Variants in PCDHGA7 observed in about 807,000 individuals in gnomAD.
PCDHGA7 encodes the protein protocadherin gamma subfamily A, 7, also known as protocadherin gamma-A7.
Under a neutral mutation model 58.3 loss-of-function variants are expected in PCDHGA7, and 44 were observed. That is an observed-to-expected ratio of 0.75 (90% confidence interval 0.59 to 0.97). The LOEUF (loss-of-function observed/expected upper bound fraction) is 0.97, where lower values mean the gene tolerates loss of function less well. Ranked by LOEUF, PCDHGA7 falls within the 50% of genes least tolerant of loss-of-function variation. PCDHGA7 has a pLI of 0.00. For synonymous variants in PCDHGA7, 516 were observed against 504.2 expected (o/e 1.02, Z -0.31); for missense variants, 1,266 against 1,188.7 (o/e 1.06, Z -0.96).
rs1001912556 is a variant in PCDHGA7, at chr5:141,493,404, CTCTGCTGGGATTTTGCT to C, written c.2425-1391_2425-1375del. Among the ~76,000 whole-genome samples, 10 of 152,266 alleles carry C rather than the reference CTCTGCTGGGATTTTGCT, an allele frequency of 6.6e-5. No individual in the cohort carries two copies. Among genetic ancestry groups the C allele is most frequent in the Admixed American group, 6.5e-4 (10 of 15,298 alleles). On this transcript the variant is annotated intron_variant, in intron 1 of 3. Coordinates refer to ENST00000518325, the MANE Select transcript of PCDHGA7 (RefSeq NM_018920.4). The surrounding 1 kb of genome is among the most constrained non-coding windows in gnomAD (Gnocchi z 4.3). ...CTTGAGGACAGGAGAGGGGAGTTGCCTCTGCTGGGATTTTGCTTCTGCTGGGATGGGGCAAGGGTGGG... is the reference window on the plus strand; with the variant it reads ...CTTGAGGACAGGAGAGGGGAGTTGCCTCTGCTGGGATGGGGCAAGGGTGGG...
At chr5:141,408,600 T>C (rs761951478) in intron 1 of PCDHGA7, 7 of 1,613,998 alleles carry the variant, frequency 4.3e-6, no homozygotes, top group Non-Finnish European at 4.2e-6. Flanking sequence ...GCCCCTCAAT[T>C]TGATAAAAAG....
rs1193417991 is a variant in PCDHGA7 at position 141,491,413 on chromosome 5, G to C, written c.2425-3394G>C. 5.0e-6 allele frequency: 8 copies of C among 1,613,946 alleles called. No individual in the cohort carries two copies. Among genetic ancestry groups the C allele is most frequent in the African/African-American group, 1.3e-5 (1 of 74,906 alleles). ...CCTTCAGGGAAACGCAGACGGGGAC[G>C]GGGGTGGAGGGCAGTGCTGCAGGCG... On this transcript the variant is annotated intron_variant, in intron 1 of 3. Transcript: ENST00000518325. The surrounding 1 kb of genome is among the most constrained non-coding windows in gnomAD (Gnocchi z 6.9).
intron 1 of PCDHGA7, among the ~76,000 whole-genome samples, chr5:141,401,627 G>A (rs998564450): frequency 6.6e-6 from 1 of 152,176 alleles, no homozygotes; most frequent in African/African-American, 2.4e-5. Flanking sequence ...TTGTCTTATC[G>A]TTTGGAGCTT....
intron 2 of PCDHGA7, among the ~76,000 whole-genome samples, chr5:141,502,056 C>T (rs1163976282): frequency 1.3e-5 from 2 of 152,116 alleles, no homozygotes; most frequent in Non-Finnish European, 2.9e-5. Flanking sequence ...CTACTTTATT[C>T]CCATTAGCCC....
intron 1 of PCDHGA7, chr5:141,478,636 T>G: frequency 1.3e-6 from 2 of 1,552,744 alleles, no homozygotes; most frequent in South Asian, 2.4e-5. Flanking sequence ...TTTTTAGTGA[T>G]GAAGATGTTT....
At chr5:141,478,519 G>T (rs778194073) in intron 1 of PCDHGA7, 19 of 1,610,728 alleles carry the variant, frequency 1.2e-5, no homozygotes, top group Non-Finnish European at 1.6e-5. Flanking sequence ...GGCAGGTGTT[G>T]GGTGCAGAGA....
At chr5:141,388,112 C>T (rs1399745232) in intron 1 of PCDHGA7, 1 of 1,408,080 alleles carries the variant, frequency 7.1e-7, no homozygotes, top group South Asian at 1.2e-5. Flanking sequence ...CTTACTTCAC[C>T]GTGAGCGCAG....
chr5:141,494,936 G>C, intron 2 of PCDHGA7, 71 bp downstream of exon 2: 1 of 1,612,574 alleles, frequency 6.2e-7, no homozygotes, highest in South Asian at 1.1e-5. Flanking sequence ...GGAGGAGATG[G>C]GGGAGGGCCC....
chr5:141,484,869 G>C (rs2154580238), intron 1 of PCDHGA7: 1 of 292,558 alleles, frequency 3.4e-6, no homozygotes, highest in African/African-American at 2.2e-5. Flanking sequence ...GGGGGAGCGT[G>C]GAGGATAGGG....
chr5:141,486,189 A>T lies in PCDHGA7; in HGVS notation c.2425-8618A>T, dbSNP rs761466492. 6.2e-7 allele frequency: 1 copy of T among 1,614,062 alleles called. No individual in the cohort carries two copies. Among genetic ancestry groups the T allele is most frequent in the Non-Finnish European group, 8.5e-7 (1 of 1,179,994 alleles). ...GAGCAACATTGCAGCCTTCGAGTGG[A>T]TCTGCTGGACGTAAATGACAATGCC... is the stretch of plus-strand genomic sequence containing the variant. On this transcript the variant is annotated intron_variant, in intron 1 of 3. Coordinates refer to ENST00000518325, the MANE Select transcript of PCDHGA7 (RefSeq NM_018920.4). The surrounding 1 kb of genome is among the most constrained non-coding windows in gnomAD (Gnocchi z 5.0).
chr5:141,431,698 ATT>A lies in PCDHGA7; in HGVS notation c.2424+46376_2424+46377del. The A allele has an allele frequency of 6.2e-7, 1 of 1,614,222 alleles. No homozygotes were observed. Among genetic ancestry groups the A allele is most frequent in the South Asian group, 1.1e-5 (1 of 91,090 alleles). ...GGGAGTTGGACCACGAGGAGTCAGG[ATT>A]CTACCAGATGGAAGTGCAAGCAATG... On this transcript the variant is annotated intron_variant, in intron 1 of 3. Transcript: ENST00000518325. The surrounding 1 kb of genome is among the most constrained non-coding windows in gnomAD (Gnocchi z 4.8).
intron 1 of PCDHGA7, chr5:141,441,802 T>C (rs2098274220): frequency 2.6e-6 from 1 of 382,538 alleles, no homozygotes; most frequent in South Asian, 2.1e-5. Flanking sequence ...GCACCGCGGG[T>C]GCTGTACCCC....
At chr5:141,449,588 CA>C (rs768743917) in intron 1 of PCDHGA7, among the ~76,000 whole-genome samples, 1,277 of 57,494 alleles carry the variant, frequency 0.022, 7 homozygotes, top group Middle Eastern at 0.041. Flanking sequence ...GACTCTGTCT[CA>C]AAAAAAAAAA....
At position 141,432,289 on chromosome 5, in the gene PCDHGA7, C is replaced by A. The variant is rs762278053; in HGVS notation, c.2424+46966C>A. 2 of 1,614,148 alleles carry A rather than the reference C, an allele frequency of 1.2e-6. No individual in the cohort carries two copies. Among genetic ancestry groups the A allele is most frequent in the African/African-American group, 2.7e-5 (2 of 74,952 alleles). On this transcript the variant is annotated intron_variant, in intron 1 of 3. Coordinates refer to ENST00000518325, the MANE Select transcript of PCDHGA7 (RefSeq NM_018920.4). The surrounding 1 kb of genome is among the most constrained non-coding windows in gnomAD (Gnocchi z 6.0). ...CGTCCTACGTGTCCATCAACTCCGA[C>A]ACTGGGGTACTGTATGCGCTGAGCT...
In PCDHGA7 at chr5:141,432,997, G is replaced by T. The variant is rs778828769; in HGVS notation, c.2424+47674G>T. 17 of 1,614,082 alleles carry T rather than the reference G, an allele frequency of 1.1e-5. No homozygotes were observed. The highest frequency in any genetic ancestry group is 4.5e-5 in the East Asian group (2 of 44,864). ...CGCACTTTGTGGGCGTGGACGGGGT[G>T]CAGGCTTTCCTGCAGACCTATTCCC... On this transcript the variant is annotated intron_variant, in intron 1 of 3. Transcript: ENST00000518325. The surrounding 1 kb of genome is among the most constrained non-coding windows in gnomAD (Gnocchi z 6.0).
rs757308340 is a variant in PCDHGA7, at chr5:141,487,575, G to A, written c.2425-7232G>A. ...GCACCTATGGCAGGGGAGCCTGTTC[G>A]CCCAAGCTGCCCACCCTCTGATCTT... On this transcript the variant is annotated intron_variant, in intron 1 of 3. Coordinates refer to ENST00000518325, the MANE Select transcript of PCDHGA7 (RefSeq NM_018920.4). This position sits in a 1 kb window ranked among gnomAD's most constrained non-coding sequence, Gnocchi z 5.0. The A allele has an allele frequency of 3.1e-6, 5 of 1,614,018 alleles. No homozygotes were observed. In the African/African-American group the frequency reaches 4.0e-5, roughly 13 times the overall value.
At position 141,384,638 on chromosome 5, in the gene PCDHGA7, G is replaced by A; in HGVS notation, c.1739G>A (p.Arg580His). 1.2e-6 allele frequency: 2 copies of A among 1,614,188 alleles called. No homozygotes were observed. Among genetic ancestry groups the A allele is most frequent in the Non-Finnish European group, 8.5e-7 (1 of 1,180,034 alleles). Reference protein sequence around the residue: ...DGSTGMELAPRSAEPGYLVTK... With the variant: ...DGSTGMELAPHSAEPGYLVTK... ...TCTACTGGCATGGAGCTGGCACCCC[G>A]CTCCGCAGAGCCCGGCTACCTGGTG... The change falls in exon 1 of 4, where the codon CGC becomes CAC. Residue 580 changes from arginine (R) to histidine (H), a missense_variant. By Grantham distance (29) the Arg-to-His change is conservative. Transcript: ENST00000518325.
intron 1 of PCDHGA7, chr5:141,418,060 A>G (rs2096216821): frequency 1.2e-6 from 2 of 1,613,850 alleles, no homozygotes; most frequent in Admixed American, 1.7e-5. Flanking sequence ...GCGAGCTGCG[A>G]GTGAGCGCGG....
intron 1 of PCDHGA7, among the ~76,000 whole-genome samples, chr5:141,473,759 C>G (rs989399714): frequency 3.3e-5 from 5 of 152,158 alleles, no homozygotes; most frequent in African/African-American, 1.2e-4. Flanking sequence ...GGATACTATG[C>G]AAAGGATTTG....
Sources: gnomAD v4.1 joint callset for allele counts (sites outside exome capture counted in the v4.1 genomes callset) on GRCh38, gnomAD v4.1.1 for gene constraint, Gnocchi (gnomAD v3.1) non-coding constraint, MANE v1.5 for transcripts, NCBI Gene and HGNC (gene_info 2026-07-23, HGNC 2026-07-21) for gene names.